CCDC179: variants seen among roughly 807,000 people sequenced by gnomAD.
The protein encoded by CCDC179 is coiled-coil domain-containing protein 179.
Under a neutral mutation model 12.0 loss-of-function variants are expected in CCDC179, and 17 were observed. The observed-to-expected ratio is 1.42, with a 90% CI of 0.97 to 2.13. The LOEUF (loss-of-function observed/expected upper bound fraction) is 2.13. Among genes scored for constraint, CCDC179 ranks in the 30% most tolerant of loss-of-function variants. CCDC179 has a pLI of 0.00. For missense variants in CCDC179, 83 were observed against 78.6 expected (o/e 1.06, Z -0.21); for synonymous variants, 27 against 26.4 (o/e 1.02, Z -0.07).
intron 3 of CCDC179, among the ~76,000 whole-genome samples, chr11:22,855,155 C>G (rs1858504756): frequency 1.3e-5 from 2 of 151,574 alleles, no homozygotes; most frequent in Admixed American, 1.3e-4. Flanking sequence ...ATCTAGCAGG[C>G]AGAAAATCTG....
chr11:22,859,114 C>A (rs1027848378), intron 2 of CCDC179, among the ~76,000 whole-genome samples: 8 of 151,942 alleles, frequency 5.3e-5, no homozygotes, highest in Non-Finnish European at 1.0e-4. Context: ...CTGGGAGAGA[C>A]CTTAGGAGGT....
Position 22,849,218 on chromosome 11 carries a change from T to G in CCDC179, c.196-1697A>C, listed in dbSNP as rs548905239. Among the ~76,000 whole-genome samples the G allele has an allele frequency of 3.5e-3, 539 of 152,316 alleles. 4 individuals are homozygous for G. Among genetic ancestry groups the G allele is most frequent in the African/African-American group, 0.012 (516 of 41,564 alleles). ...AAAGGTATACTTTCTCTTTTATGAG[T>G]TATCAGAGCCTTTATAATTGCCTAA... On this transcript the variant is annotated intron_variant, in intron 3 of 3. Transcript: ENST00000532798.
intron 3 of CCDC179, among the ~76,000 whole-genome samples, chr11:22,851,273 C>CA (rs200140001): frequency 0.02 from 3,091 of 151,554 alleles, 55 homozygotes; most frequent in Non-Finnish European, 0.029. Flanking sequence ...CTTCATTATG[C>CA]AAAAACAAAT....
At chr11:22,848,450 A>G (rs1429614392) in intron 3 of CCDC179, among the ~76,000 whole-genome samples, 1 of 147,328 alleles carries the variant, frequency 6.8e-6, no homozygotes, top group African/African-American at 2.6e-5. Context: ...TCTCAAAAGA[A>G]AAAAAAAAAA....
Position 22,860,432 on chromosome 11 carries a change from C to G in CCDC179, c.-11G>C. 6.5e-7 allele frequency: 1 copy of G among 1,534,280 alleles called. No individual in the cohort carries two copies. Among genetic ancestry groups the G allele is most frequent in the Non-Finnish European group, 8.7e-7 (1 of 1,145,992 alleles). ...GCAATACAGGCACATGCCGTGGAGC[C>G]TTAGGGCGCCCCCTGACGCCTACTG... On this transcript the variant is annotated 5_prime_UTR_variant, in exon 1 of 4. Transcript: ENST00000532798.
At chr11:22,852,522 G>A (rs538133085) in intron 3 of CCDC179, among the ~76,000 whole-genome samples, 1 of 152,080 alleles carries the variant, frequency 6.6e-6, no homozygotes, top group Non-Finnish European at 1.5e-5. Context: ...ATCTTTTCAG[G>A]CTTTTGCATT....
At position 22,859,467 on chromosome 11, in the gene CCDC179, C is replaced by T; in HGVS notation, c.75G>A (p.Glu25=). 1 of 1,501,032 alleles carries T rather than the reference C, an allele frequency of 6.7e-7. No individual in the cohort carries two copies. Among genetic ancestry groups the T allele is most frequent in the Non-Finnish European group, 8.9e-7 (1 of 1,127,374 alleles). 93.0% of individuals were successfully genotyped at this position (1,501,032 alleles called of 1,614,324 possible). A position where few individuals can be genotyped will look rare whatever the true frequency, so the allele number is the denominator to read the frequency against. Residue 25 remains glutamate (E), a synonymous_variant, in exon 2 of 4, where the codon GAG becomes GAA. Transcript: ENST00000532798. ...PEGPRQHHPS[E]VTERQLANKR... is the part of the protein sequence containing the mutation. ...TAAACATTACCTGCCGCTCAGTGAC[C>T]TCTGAAGGATGATGTTGTCTTGGTC...
chr11:22,847,287 A>G lies in CCDC179; in HGVS notation c.*223T>C, dbSNP rs1320337115. The stretch of plus-strand genomic sequence containing the variant: ...ATTTGTTGAAAAGCAGCAAATTTCA[A>G]GTTTACCACAGGAAAGAAAAATATG... On this transcript the variant is annotated 3_prime_UTR_variant, in exon 4 of 4. Transcript: ENST00000532798. The G allele has an allele frequency of 5.6e-6, 2 of 357,344 alleles. No individual in the cohort carries two copies. The highest frequency in any genetic ancestry group is 2.7e-4 in the South Asian group (2 of 7,484). The allele number at this position is 357,344 out of a possible 1,614,324, so 22.1% of individuals were successfully genotyped here.
At chr11:22,848,624 A>G (rs1408192633) in intron 3 of CCDC179, among the ~76,000 whole-genome samples, 1 of 152,206 alleles carries the variant, frequency 6.6e-6, no homozygotes, top group Non-Finnish European at 1.5e-5. Flanking sequence ...AAACATTTAA[A>G]TTGTACAAAA....
At chr11:22,849,083 A>G (rs1858307848) in intron 3 of CCDC179, among the ~76,000 whole-genome samples, 1 of 152,218 alleles carries the variant, frequency 6.6e-6, no homozygotes, top group African/African-American at 2.4e-5. Flanking sequence ...AAAAACTAGA[A>G]TACGGTTGTC....
chr11:22,852,590 G>T lies in CCDC179; in HGVS notation c.196-5069C>A, dbSNP rs1858433792. On this transcript the variant is annotated intron_variant, in intron 3 of 3. Coordinates refer to ENST00000532798, the MANE Select transcript of CCDC179 (RefSeq NM_001195637.2). ...GACTCTTAGCTCAACTAGTCCTGTG[G>T]TCCCCACCCAGAAGTGGACTCACCT... Among the ~76,000 whole-genome samples, 5 of 152,128 alleles carry T rather than the reference G, an allele frequency of 3.3e-5. No individual in the cohort carries two copies. In the South Asian group the frequency reaches 8.3e-4, roughly 25 times the overall value.
At chr11:22,851,213 CTG>C (rs1858395443) in intron 3 of CCDC179, among the ~76,000 whole-genome samples, 2 of 151,270 alleles carry the variant, frequency 1.3e-5, no homozygotes, top group African/African-American at 4.9e-5. Flanking sequence ...AAAACAATAA[CTG>C]TGTATAGTTG....
chr11:22,851,093 C>A (rs1392185528), intron 3 of CCDC179, among the ~76,000 whole-genome samples: 1 of 147,622 alleles, frequency 6.8e-6, no homozygotes, highest in East Asian at 2.0e-4. Flanking sequence ...TCACGCCATT[C>A]TCCTGTGCAT....
At position 22,860,288 on chromosome 11, in the gene CCDC179, G is replaced by C. The variant is rs938217050; in HGVS notation, c.45+89C>G. On this transcript the variant is annotated intron_variant, in intron 1 of 3. Coordinates refer to ENST00000532798, the MANE Select transcript of CCDC179 (RefSeq NM_001195637.2). The stretch of plus-strand genomic sequence containing the variant: ...CACCAAACCACATTTACAAGAGTTA[G>C]AAGCACCATGGCCAAGGCCACAGTG... 2.1e-6 allele frequency: 3 copies of C among 1,417,350 alleles called. No homozygotes were observed. In the African/African-American group the frequency reaches 4.3e-5, roughly 20 times the overall value. The allele number at this position is 1,417,350 out of a possible 1,614,324, so 87.8% of individuals were successfully genotyped here.
At chr11:22,855,431 A>G (rs1858510626) in intron 3 of CCDC179, among the ~76,000 whole-genome samples, 1 of 151,678 alleles carries the variant, frequency 6.6e-6, no homozygotes, top group Non-Finnish European at 1.5e-5. Flanking sequence ...TTGGAAATTA[A>G]GAACATACTT....
At chr11:22,851,250 A>G (rs958007587) in intron 3 of CCDC179, among the ~76,000 whole-genome samples, 1 of 151,752 alleles carries the variant, frequency 6.6e-6, no homozygotes, top group Non-Finnish European at 1.5e-5. Flanking sequence ...CTGTATGGCA[A>G]TGTGTAAGTT....
At chr11:22,860,050 A>G (rs1379452675) in intron 1 of CCDC179, among the ~76,000 whole-genome samples, 2 of 152,172 alleles carry the variant, frequency 1.3e-5, no homozygotes, top group Non-Finnish European at 2.9e-5. Flanking sequence ...CCCAAGAGCA[A>G]TCTGTTCCAC....
At chr11:22,854,161 A>G (rs1858483320) in intron 3 of CCDC179, among the ~76,000 whole-genome samples, 1 of 151,892 alleles carries the variant, frequency 6.6e-6, no homozygotes, top group African/African-American at 2.4e-5. Context: ...AACAGAAGGA[A>G]TATTTGTTAC....
chr11:22,858,253 AT>A (rs1190872400), intron 2 of CCDC179: 3 of 321,316 alleles, frequency 9.3e-6, no homozygotes, highest in African/African-American at 4.3e-5. Flanking sequence ...AAATAAGACT[AT>A]TCTTGATTCT....
Sources: allele counts gnomAD v4.1 joint callset (sites outside exome capture counted in the v4.1 genomes callset), GRCh38; gene constraint gnomAD v4.1.1; transcripts MANE v1.5; gene names NCBI Gene and HGNC (gene_info 2026-07-23, HGNC 2026-07-21).